Variants in TSEN2 observed in about 807,000 individuals in gnomAD.
TSEN2 encodes tRNA splicing endonuclease subunit 2.
TSEN2 carries 54 observed loss-of-function variants against 59.2 expected under a neutral mutation model. The observed-to-expected ratio is 0.91, with a 90% CI of 0.73 to 1.14. The LOEUF (loss-of-function observed/expected upper bound fraction) is 1.14, where lower values mean the gene tolerates loss of function less well. Among genes scored for constraint, TSEN2 ranks in the 50% most tolerant of loss-of-function variants. The pLI, the probability that TSEN2 is intolerant of heterozygous loss-of-function variation, is 0.00. For missense variants in TSEN2, 636 were observed against 576.2 expected, an observed-to-expected ratio of 1.10 and a Z score of -1.06; for synonymous variants, 195 against 198.2, an observed-to-expected ratio of 0.98 and a Z score of 0.14.
At chr3:12,539,022 A>G (rs2057747112) in intron 10 of TSEN2, 1 of 355,666 alleles carries the variant, frequency 2.8e-6, no homozygotes, top group Non-Finnish European at 5.4e-6. Context: ...GTTTGTGCAA[A>G]TAGACTCAGA....
upstream of TSEN2, among the ~76,000 whole-genome samples, chr3:12,481,719 G>A (rs969640999): frequency 2.0e-5 from 3 of 152,148 alleles, no homozygotes; most frequent in African/African-American, 7.2e-5. Context: ...AACACATGAA[G>A]TGAGGTTATA....
chr3:12,480,381 G>T (rs748626079), upstream of TSEN2, among the ~76,000 whole-genome samples: 3 of 152,116 alleles, frequency 2.0e-5, no homozygotes, highest in African/African-American at 7.2e-5. Flanking sequence ...CCTTCCAGGG[G>T]CAGCTCATAT....
intron 6 of TSEN2, among the ~76,000 whole-genome samples, chr3:12,506,022 CG>C (rs2125065955): frequency 1.3e-5 from 2 of 151,934 alleles, no homozygotes; most frequent in South Asian, 4.2e-4. Flanking sequence ...CTGGTGATGC[CG>C]GGGGTAGGGG....
intron 10 of TSEN2, 150 bp downstream of exon 10, chr3:12,530,023 A>AC (rs2057363014): frequency 1.4e-6 from 2 of 1,463,910 alleles, no homozygotes; most frequent in Admixed American, 2.7e-5. Context: ...GGTCATTCGT[A>AC]CCCTTCCCTT....
At chr3:12,518,895 C>T (rs1001774271) in intron 7 of TSEN2, among the ~76,000 whole-genome samples, 164 bp from the exon 8 acceptor site, 1 of 151,736 alleles carries the variant, frequency 6.6e-6, no homozygotes, top group Non-Finnish European at 1.5e-5. Context: ...GGTGACAGAG[C>T]GAGACTCTGT....
chr3:12,527,443 CT>C (rs895117307), intron 8 of TSEN2, among the ~76,000 whole-genome samples: 67 of 137,648 alleles, frequency 4.9e-4, no homozygotes, highest in East Asian at 1.7e-3. Flanking sequence ...TTGAACTTTT[CT>C]TTTTTTTTTT....
At chr3:12,514,750 A>T (rs1357703177) in intron 6 of TSEN2, 1 of 152,226 alleles carries the variant, frequency 6.6e-6, no homozygotes. Context: ...AACAATGCAG[A>T]GATTAGTATG....
At position 12,523,526 on chromosome 3, in the gene TSEN2, C is replaced by CTTTTTTTTTTTTTTTTTT. The variant is rs546904336; in HGVS notation, c.1099+4337_1099+4354dup. The stretch of plus-strand genomic sequence containing the variant: ...CTTCTCCTCATCTTCCTCTTTGATT[C>CTTTTTTTTTTTTTTTTTT]TTTTTTTTTTTTTTTTTTTTTTTTT... On this transcript the variant is annotated intron_variant, in intron 8 of 11. Coordinates refer to ENST00000284995, the MANE Select transcript of TSEN2 (RefSeq NM_025265.4). Among the ~76,000 whole-genome samples, 428 of 46,466 alleles carry CTTTTTTTTTTTTTTTTTT rather than the reference C, an allele frequency of 9.2e-3. 79 individuals are homozygous for CTTTTTTTTTTTTTTTTTT. Among genetic ancestry groups the CTTTTTTTTTTTTTTTTTT allele is most frequent in the Non-Finnish European group, 0.012 (285 of 23,020 alleles). 30.5% of individuals were successfully genotyped at this position (46,466 alleles called of 152,430 possible).
intron 9 of TSEN2, 122 bp downstream of exon 9, chr3:12,529,046 G>GC: frequency 4.2e-6 from 4 of 941,668 alleles, no homozygotes; most frequent in Non-Finnish European, 6.9e-6. Context: ...GATACGAATA[G>GC]ATGCTATATG....
At chr3:12,487,101 A>T (rs961359558) in intron 1 of TSEN2, among the ~76,000 whole-genome samples, 3 of 152,164 alleles carry the variant, frequency 2.0e-5, no homozygotes, top group Non-Finnish European at 4.4e-5. Context: ...TGACATTTTG[A>T]GGAACTGCCA....
intron 8 of TSEN2, among the ~76,000 whole-genome samples, chr3:12,523,059 G>A (rs550139460): frequency 6.6e-6 from 1 of 152,286 alleles, no homozygotes; most frequent in South Asian, 2.1e-4. Context: ...GTAAGTTGCT[G>A]GAGTACTTAA....
At chr3:12,492,285 C>G (rs2053293783) in intron 3 of TSEN2, 68 bp downstream of exon 3, 1 of 1,376,138 alleles carries the variant, frequency 7.3e-7, no homozygotes, top group Non-Finnish European at 1.0e-6. Context: ...GATCTTATAT[C>G]TCAGGCTATA....
intron 6 of TSEN2, among the ~76,000 whole-genome samples, chr3:12,515,200 G>A (rs1416377265): frequency 6.6e-6 from 1 of 152,186 alleles, no homozygotes; most frequent in African/African-American, 2.4e-5. Flanking sequence ...TCACTGCTTG[G>A]AAGTCCTTCC....
rs2053030519 is a variant in TSEN2 at position 12,489,890 on chromosome 3, C to G, written c.90C>G (p.Asp30Glu). The change falls in exon 2 of 12, where the codon GAC (aspartate) becomes GAG (glutamate). Residue 30 changes from aspartate (D) to glutamate (E), a missense_variant. Transcript: ENST00000284995. ...ESPLPIPFGQ[D>E]HGPLKEFKIF... ...CATTGCCAATCCCTTTTGGTCAGGACCATGGTCCTCTGAAAGAATTCAAGA... is the reference window on the plus strand; with the variant it reads ...CATTGCCAATCCCTTTTGGTCAGGAGCATGGTCCTCTGAAAGAATTCAAGA... 2 of 1,614,082 alleles carry G rather than the reference C, an allele frequency of 1.2e-6. No individual in the cohort carries two copies. Among genetic ancestry groups the G allele is most frequent in the East Asian group, 4.5e-5 (2 of 44,886 alleles).
intron 6 of TSEN2, among the ~76,000 whole-genome samples, chr3:12,514,035 G>A (rs2055788972): frequency 6.6e-6 from 1 of 152,230 alleles, no homozygotes; most frequent in Admixed American, 6.5e-5. Context: ...TCTAGGCCAA[G>A]GGAACAGCAG....
intron 10 of TSEN2, chr3:12,530,621 G>T: frequency 3.0e-6 from 3 of 985,410 alleles, no homozygotes; most frequent in Non-Finnish European, 3.6e-6. Flanking sequence ...TGAGGCCAGA[G>T]GGTCTTGCAG....
At chr3:12,504,225 G>A (rs759860195) in intron 5 of TSEN2, among the ~76,000 whole-genome samples, 1 of 152,100 alleles carries the variant, frequency 6.6e-6, no homozygotes, top group Admixed American at 6.5e-5. Context: ...TGCTAAATGG[G>A]ATATGAGATA....
chr3:12,520,561 G>A (rs973741913), intron 8 of TSEN2, among the ~76,000 whole-genome samples: 6 of 152,126 alleles, frequency 3.9e-5, no homozygotes, highest in Admixed American at 6.5e-5. Flanking sequence ...AGGCCGAGGC[G>A]GGCAGATCGC....
At chr3:12,504,947 G>C (rs549798494) in intron 5 of TSEN2, among the ~76,000 whole-genome samples, 1 of 152,280 alleles carries the variant, frequency 6.6e-6, no homozygotes, top group East Asian at 1.9e-4. Flanking sequence ...GCCTCAGTGA[G>C]CTATGATCAC....
Sources: gnomAD v4.1 joint callset for allele counts (sites outside exome capture counted in the v4.1 genomes callset) on GRCh38, gnomAD v4.1.1 for gene constraint, MANE v1.5 for transcripts, NCBI Gene and HGNC (gene_info 2026-07-23, HGNC 2026-07-21) for gene names.